Variants in CTC1 observed in about 807,000 individuals in gnomAD.
CTC1 encodes CST complex subunit CTC1.
In CTC1, 91 loss-of-function variants were observed where a neutral mutation model predicts 136.3. The ratio of observed to expected loss-of-function variants is 0.67; its 90% CI spans 0.56 to 0.79. The LOEUF is 0.79. CTC1 is among the 30% of genes least tolerant of loss of function. The pLI is 0.00. For synonymous variants in CTC1, 606 were observed against 613.8 expected (o/e 0.99, Z 0.19); for missense variants, 1,432 against 1,498.1 (o/e 0.96, Z 0.73).
intron 16 of CTC1, 37 bp downstream of exon 16, chr17:8,230,526 C>A: frequency 6.2e-7 from 1 of 1,613,752 alleles, no homozygotes; most frequent in Non-Finnish European, 8.5e-7. Flanking sequence ...TCCCATCACT[C>A]TATTTCATAC....
rs577620705 is a variant in CTC1, at chr17:8,244,973, G to T, written c.34-1825C>A. ...TGGAATACTACGCAGCCATAAAAAA[G>T]AATGAGATCATGTTCTCTGCTACAA... On this transcript the variant is annotated intron_variant, in intron 1 of 22. Coordinates refer to ENST00000651323, the MANE Select transcript of CTC1 (RefSeq NM_025099.6). 4.6e-5 allele frequency among the ~76,000 whole-genome samples: 7 copies of T among 152,310 alleles called. No homozygotes were observed. The South Asian group carries it at 1.4e-3, about 32-fold the overall frequency.
At chr17:8,230,709 C>T (rs1011605209) in intron 15 of CTC1, 58 bp from the exon 16 acceptor site, 3 of 1,443,032 alleles carry the variant, frequency 2.1e-6, no homozygotes, top group African/African-American at 1.4e-5. Context: ...AGAGTGGAGA[C>T]AGTCAGATTC....
intron 18 of CTC1, 103 bp downstream of exon 18, chr17:8,229,788 A>G: frequency 1.1e-6 from 1 of 930,726 alleles, no homozygotes; most frequent in Non-Finnish European, 1.7e-6. Context: ...TCTTGTTGGG[A>G]TTGGAGAAGA....
At chr17:8,237,587 C>G in intron 4 of CTC1, 68 bp from the exon 5 acceptor site, 1 of 1,348,498 alleles carries the variant, frequency 7.4e-7, no homozygotes, top group Middle Eastern at 2.0e-4. Context: ...ATCACTTGAA[C>G]CTGAAAGGCA....
intron 16 of CTC1, 23 bp from the exon 17 acceptor site, chr17:8,230,491 A>G (rs1217648505): frequency 1.2e-6 from 2 of 1,613,658 alleles, no homozygotes; most frequent in Non-Finnish European, 1.7e-6. Flanking sequence ...GGTGGGTGTT[A>G]GTAGGATCTG....
At chr17:8,229,583 G>C in intron 18 of CTC1, 137 bp from the exon 19 acceptor site, 1 of 727,142 alleles carries the variant, frequency 1.4e-6, no homozygotes, top group Non-Finnish European at 2.3e-6. Context: ...GCTCCTAGAA[G>C]CCCCATTTTA....
chr17:8,233,258 G>GT lies in CTC1; in HGVS notation c.1819-227dup. ...GAAAGCGCACAAATAGAGGTTACAG[G>GT]TAAGAGGCCATGCGGGATCTCACAG... On this transcript the variant is annotated intron_variant, in intron 10 of 22. Transcript: ENST00000651323. 3 of 512,392 alleles carry GT rather than the reference G, an allele frequency of 5.9e-6. No homozygotes were observed. The South Asian group carries it at 6.7e-5, about 11-fold the overall frequency. 31.7% of individuals were successfully genotyped at this position (512,392 alleles called of 1,614,324 possible). A position where few individuals can be genotyped will look rare whatever the true frequency, so the allele number is the denominator to read the frequency against.
intron 5 of CTC1, 38 bp from the exon 6 acceptor site, chr17:8,236,380 C>T (rs1454739706): frequency 6.3e-7 from 1 of 1,577,870 alleles, no homozygotes; most frequent in African/African-American, 1.3e-5. Context: ...ACACAAGAGA[C>T]CCCAACACTG....
chr17:8,246,204 T>C (rs1988684557), intron 1 of CTC1, among the ~76,000 whole-genome samples: 1 of 107,876 alleles, frequency 9.3e-6, no homozygotes. Context: ...AAGACCTTGT[T>C]TCAAAAAAAA....
Position 8,232,424 on chromosome 17 carries a change from C to T in CTC1, c.1997G>A (p.Arg666Lys). ...CTCCTTCCAGGAAGGGAAGCTGCTT[C>T]TCACGTCCCTCTCTACGATCAACTG... Reference protein sequence around the residue: ...RFQLIVERDVRSSFPSWKELS... With the variant: ...RFQLIVERDVKSSFPSWKELS... Residue 666 changes from arginine to lysine, a missense_variant, in exon 12 of 23, where the codon AGA becomes AAA. By Grantham distance (26) the Arg-to-Lys change is conservative. Transcript: ENST00000651323. The T allele has an allele frequency of 1.9e-6, 3 of 1,614,194 alleles. 1 individual carries two copies. The highest frequency in any genetic ancestry group is 2.7e-5 in the African/African-American group (2 of 75,054).
At chr17:8,240,743 G>C (rs1185016188) in intron 2 of CTC1, among the ~76,000 whole-genome samples, 4 of 151,366 alleles carry the variant, frequency 2.6e-5, no homozygotes, top group Admixed American at 6.6e-5. Context: ...GCCAGGCATG[G>C]TGGCGAGTGC....
chr17:8,242,429 C>G (rs1036358023), intron 2 of CTC1, among the ~76,000 whole-genome samples: 1 of 151,074 alleles, frequency 6.6e-6, no homozygotes, highest in African/African-American at 2.4e-5. Context: ...CTCCCAGAGA[C>G]GTTTATCATA....
Position 8,238,377 on chromosome 17 carries a change from C to T in CTC1, c.435+15G>A, listed in dbSNP as rs987453458. The T allele has an allele frequency of 5.6e-6, 9 of 1,606,914 alleles. No homozygotes were observed. The highest frequency in any genetic ancestry group is 7.7e-6 in the Non-Finnish European group (9 of 1,174,068). Reference sequence around the variant, plus strand: ...TGTCAGGATCTGAGGCATCTGATCTCCACCTTCCACTCACCTCACAGCTCA... The same window carrying T: ...TGTCAGGATCTGAGGCATCTGATCTTCACCTTCCACTCACCTCACAGCTCA... On this transcript the variant is annotated intron_variant, in intron 3 of 22. Transcript: ENST00000651323.
intron 10 of CTC1, chr17:8,233,302 AT>A: frequency 2.7e-6 from 1 of 374,954 alleles, no homozygotes; most frequent in Non-Finnish European, 5.0e-6. Flanking sequence ...GAGACGTTTG[AT>A]TTTACTTTAT....
At chr17:8,234,999 A>G in intron 8 of CTC1, 54 bp downstream of exon 8, 1 of 1,604,772 alleles carries the variant, frequency 6.2e-7, no homozygotes, top group Non-Finnish European at 8.5e-7. Flanking sequence ...TCTCCTTGCC[A>G]AGGAAGTGTG....
At position 8,229,875 on chromosome 17, in the gene CTC1, G is replaced by C; in HGVS notation, c.3011+16C>G. On this transcript the variant is annotated intron_variant, in intron 18 of 22. Transcript: ENST00000651323. ...GTGAAGCCAGGAAGTTTAGGGGTTGGGGTCTGGGCACTGACCTGATGGTGG... is the reference window on the plus strand; with the variant it reads ...GTGAAGCCAGGAAGTTTAGGGGTTGCGGTCTGGGCACTGACCTGATGGTGG... 1 of 1,610,536 alleles carries C rather than the reference G, an allele frequency of 6.2e-7. No homozygotes were observed. The highest frequency in any genetic ancestry group is 8.5e-7 in the Non-Finnish European group (1 of 1,176,744).
chr17:8,230,474 G>A lies in CTC1; in HGVS notation c.2759-6C>T. The A allele has an allele frequency of 6.2e-7, 1 of 1,613,852 alleles. No individual in the cohort carries two copies. The highest frequency in any genetic ancestry group is 8.5e-7 in the Non-Finnish European group (1 of 1,179,802). ...TCTCATGGCCCCCGTGTTCCCTATA[G>A]AAGGAAGGTGGGTGTTAGTAGGATC... On this transcript the variant is annotated splice_polypyrimidine_tract_variant and splice_region_variant and intron_variant, in intron 16 of 22. Coordinates refer to ENST00000651323, the MANE Select transcript of CTC1 (RefSeq NM_025099.6).
intron 1 of CTC1, among the ~76,000 whole-genome samples, chr17:8,246,023 G>A (rs1292053361): frequency 6.7e-6 from 1 of 150,038 alleles, no homozygotes; most frequent in Non-Finnish European, 1.5e-5. Context: ...TGGGCAACAT[G>A]GTGAAACTCT....
At position 8,235,815 on chromosome 17, in the gene CTC1, C is replaced by A; in HGVS notation, c.1206+16G>T. On this transcript the variant is annotated intron_variant, in intron 7 of 22. Coordinates refer to ENST00000651323, the MANE Select transcript of CTC1 (RefSeq NM_025099.6). Reference sequence around the variant, plus strand: ...TGCAGAGGTCTCTTTTTGTTATCAGCCCTGATCTCACATACCTGCAGACAC... The same window carrying A: ...TGCAGAGGTCTCTTTTTGTTATCAGACCTGATCTCACATACCTGCAGACAC... 6.3e-7 allele frequency: 1 copy of A among 1,590,774 alleles called. No individual in the cohort carries two copies. The highest frequency in any genetic ancestry group is 1.1e-5 in the South Asian group (1 of 89,922).
Sources: gnomAD v4.1 joint callset for allele counts (sites outside exome capture counted in the v4.1 genomes callset) on GRCh38, gnomAD v4.1.1 for gene constraint, MANE v1.5 for transcripts, NCBI Gene and HGNC (gene_info 2026-07-23, HGNC 2026-07-21) for gene names.